RAD50: variants seen among roughly 807,000 people sequenced by gnomAD.
RAD50 encodes DNA repair protein RAD50.
Under a neutral mutation model 168.8 loss-of-function variants are expected in RAD50, and 132 were observed. The observed-to-expected ratio is 0.78, with a 90% confidence interval of 0.68 to 0.90. The LOEUF is 0.90. Ranked by LOEUF, RAD50 falls within the 40% of genes least tolerant of loss-of-function variation. The probability of loss-of-function intolerance (pLI) is 0.00; values close to 1 mark genes in which losing one functional copy is unlikely to be tolerated. For synonymous variants in RAD50, 525 were observed against 497.4 expected (o/e 1.06, Z -0.74); for missense variants, 1,347 against 1,534.4 (o/e 0.88, Z 2.04).
At chr5:132,592,146 T>C in intron 11 of RAD50, 112 bp downstream of exon 11, 1 of 1,179,954 alleles carries the variant, frequency 8.5e-7, no homozygotes, top group Non-Finnish European at 1.2e-6. Context: ...TGATAAACTT[T>C]AGTTCTTACA....
chr5:132,566,207 G>A (rs1750205937), intron 2 of RAD50, among the ~76,000 whole-genome samples: 1 of 152,156 alleles, frequency 6.6e-6, no homozygotes, highest in Non-Finnish European at 1.5e-5. Flanking sequence ...TGATAGAAAT[G>A]CTACAAGATA....
intron 17 of RAD50, 59 bp from the exon 18 acceptor site, chr5:132,609,058 T>C (rs939475964): frequency 1.3e-6 from 2 of 1,593,248 alleles, no homozygotes; most frequent in Non-Finnish European, 1.7e-6. Context: ...TTTACTGTGC[T>C]CTCCTGTTAT....
chr5:132,579,850 A>G lies in RAD50; in HGVS notation c.552-12A>G, dbSNP rs1270747375. On this transcript the variant is annotated splice_polypyrimidine_tract_variant and intron_variant, in intron 4 of 24. Transcript: ENST00000378823. ...TTGCCAGAAATTTGATTTTTGTTTC[A>G]TATCTTCAAAGATACATTAAAGCCT... The G allele has an allele frequency of 7.5e-6, 12 of 1,600,448 alleles. No homozygotes were observed. The highest frequency in any genetic ancestry group is 4.0e-5 in the African/African-American group (3 of 74,588).
intron 21 of RAD50, among the ~76,000 whole-genome samples, chr5:132,619,848 A>C (rs1489318029): frequency 8.2e-6 from 1 of 121,626 alleles, no homozygotes; most frequent in Non-Finnish European, 1.7e-5. Flanking sequence ...ATATATATAT[A>C]TATAAAGATA....
chr5:132,641,883 A>T, intron 24 of RAD50: 1 of 375,134 alleles, frequency 2.7e-6, no homozygotes, highest in Non-Finnish European at 4.8e-6. Flanking sequence ...AAATATTTAT[A>T]CCTGCTTTAG....
intron 5 of RAD50, among the ~76,000 whole-genome samples, chr5:132,586,164 TATGAG>T (rs58240639): frequency 0.047 from 7,201 of 152,272 alleles, 550 homozygotes; most frequent in African/African-American, 0.16. Context: ...CTTAATATGA[TATGAG>T]GTAAAAGTTG....
rs1554101338 is a variant in RAD50, at chr5:132,642,346, G to C, written c.3921G>C (p.Leu1307=). Residue 1307 remains leucine, a synonymous_variant, in exon 25 of 25, where the codon CTG becomes CTC. Transcript: ENST00000378823. ...TTGTGAAATGCAGTGTTAGCTCCCT[G>C]GGATTCAATGTTCATTAAAAATATC... ...SEIVKCSVSS[L]GFNVH 1.2e-6 allele frequency: 2 copies of C among 1,613,572 alleles called. No homozygotes were observed. The highest frequency in any genetic ancestry group is 4.5e-5 in the East Asian group (2 of 44,878).
intron 3 of RAD50, among the ~76,000 whole-genome samples, chr5:132,576,571 T>A (rs1750403911): frequency 6.6e-6 from 1 of 152,234 alleles, no homozygotes; most frequent in Non-Finnish European, 1.5e-5. Flanking sequence ...TACTATGTGC[T>A]GGAGGCACTA....
rs1060504389 is a variant in RAD50, at chr5:132,608,607, A to G, written c.2719-8A>G. On this transcript the variant is annotated splice_polypyrimidine_tract_variant and splice_region_variant and intron_variant, in intron 16 of 24. Coordinates refer to ENST00000378823, the MANE Select transcript of RAD50 (RefSeq NM_005732.4). ...TTATATAATACTTTATCTTTTTTAT[A>G]TTTTTAGGATGCTAAAGAGCAGGTA... The G allele has an allele frequency of 1.3e-6, 2 of 1,551,438 alleles. No homozygotes were observed. Among genetic ancestry groups the G allele is most frequent in the Admixed American group, 3.6e-5 (2 of 55,590 alleles).
In RAD50 at chr5:132,557,489, G is replaced by C. The variant is rs774752269; in HGVS notation, c.129+36G>C. 2.0e-5 allele frequency: 33 copies of C among 1,613,224 alleles called. No individual in the cohort carries two copies. The East Asian group carries it at 6.7e-4, about 33-fold the overall frequency. Reference sequence around the variant, plus strand: ...AGTAGCCGCCTTCAGTTTACAGGTCGCTACATCTTTCGGAGAATAAAATGG... The same window carrying C: ...AGTAGCCGCCTTCAGTTTACAGGTCCCTACATCTTTCGGAGAATAAAATGG... On this transcript the variant is annotated intron_variant, in intron 1 of 24. Coordinates refer to ENST00000378823, the MANE Select transcript of RAD50 (RefSeq NM_005732.4).
rs1197347596 is a variant in RAD50 at position 132,642,947 on chromosome 5, C to T, written c.*583C>T. 9 of 485,856 alleles carry T rather than the reference C, an allele frequency of 1.9e-5. No individual in the cohort carries two copies. Among genetic ancestry groups the T allele is most frequent in the African/African-American group, 1.6e-4 (8 of 51,608 alleles). The allele number at this position is 485,856 out of a possible 1,614,324, so 30.1% of individuals were successfully genotyped here. On this transcript the variant is annotated 3_prime_UTR_variant, in exon 25 of 25. Transcript: ENST00000378823. Reference sequence around the variant, plus strand: ...TGGGGTCTCAAAGTTTGACAGGAACCTTAAGTAATCATCTAAGTCAGTACC... The same window carrying T: ...TGGGGTCTCAAAGTTTGACAGGAACTTTAAGTAATCATCTAAGTCAGTACC...
intron 1 of RAD50, among the ~76,000 whole-genome samples, chr5:132,557,709 G>C (rs539796041): frequency 6.6e-6 from 1 of 152,076 alleles, no homozygotes; most frequent in African/African-American, 2.4e-5. Context: ...AGCTGTCGCC[G>C]CTCACTCAGA....
intron 19 of RAD50, among the ~76,000 whole-genome samples, chr5:132,612,607 G>A (rs1266448367): frequency 1.3e-5 from 2 of 152,114 alleles, no homozygotes; most frequent in African/African-American, 4.8e-5. Context: ...GGCCGAGGCG[G>A]GCAGATTGCT....
chr5:132,585,602 T>C (rs1750582607), intron 5 of RAD50, among the ~76,000 whole-genome samples: 1 of 149,850 alleles, frequency 6.7e-6, no homozygotes, highest in Admixed American at 6.6e-5. Flanking sequence ...TTTTTTTTTT[T>C]TTTTTTTTTC....
intron 19 of RAD50, among the ~76,000 whole-genome samples, chr5:132,611,806 C>T (rs1407712317): frequency 2.0e-5 from 3 of 151,150 alleles, no homozygotes; most frequent in Non-Finnish European, 2.9e-5. Flanking sequence ...AGGATAATGT[C>T]TCTATTCATA....
intron 19 of RAD50, among the ~76,000 whole-genome samples, chr5:132,615,349 A>G (rs2149852684): frequency 6.6e-6 from 1 of 152,320 alleles, no homozygotes; most frequent in East Asian, 1.9e-4. Flanking sequence ...GTGGCTAAGG[A>G]GGTACCAAGT....
intron 3 of RAD50, 133 bp from the exon 4 acceptor site, chr5:132,579,184 G>A (rs1474426610): frequency 7.0e-6 from 6 of 854,624 alleles, no homozygotes; most frequent in African/African-American, 3.4e-5. Flanking sequence ...GCATGATGAA[G>A]CCATTTCTAA....
At chr5:132,592,960 A>G (rs2706366) in intron 11 of RAD50, 23,796 of 461,086 alleles carry the variant, frequency 0.052, 4,168 homozygotes, top group African/African-American at 0.4. Context: ...ACCTGAATCA[A>G]TTGAGGTGTC....
chr5:132,569,435 A>G (rs903318709), intron 2 of RAD50, among the ~76,000 whole-genome samples: 5 of 152,196 alleles, frequency 3.3e-5, no homozygotes, highest in Non-Finnish European at 5.9e-5. Flanking sequence ...GAAGAGGTCA[A>G]TTTAATGCAA....
Sources: gnomAD v4.1 joint callset for allele counts (sites outside exome capture counted in the v4.1 genomes callset) on GRCh38, gnomAD v4.1.1 for gene constraint, MANE v1.5 for transcripts, NCBI Gene and HGNC (gene_info 2026-07-23, HGNC 2026-07-21) for gene names.